The following ARHGAP26 variants were observed in gnomAD, a reference collection of about 807,000 sequenced individuals.
ARHGAP26 encodes the protein rho GTPase-activating protein 26.
In ARHGAP26, 38 loss-of-function variants were observed where a neutral mutation model predicts 104.8. The observed-to-expected ratio is 0.36, with a 90% confidence interval of 0.28 to 0.48. The LOEUF is 0.48. Ranked by LOEUF, ARHGAP26 falls within the 20% of genes least tolerant of loss-of-function variation. ARHGAP26 has a pLI of 0.99. For synonymous variants in ARHGAP26, 341 were observed against 340.0 expected, an observed-to-expected ratio of 1.00 and a Z score of -0.03; for missense variants, 704 against 947.9, an observed-to-expected ratio of 0.74 and a Z score of 3.38.
At chr5:143,189,002 A>G (rs1485587684) in intron 20 of ARHGAP26, among the ~76,000 whole-genome samples, 1 of 152,224 alleles carries the variant, frequency 6.6e-6, no homozygotes, top group Non-Finnish European at 1.5e-5. Flanking sequence ...TTAAGGGTGC[A>G]CAGAGACTTC....
intron 12 of ARHGAP26, among the ~76,000 whole-genome samples, chr5:143,015,293 AAAC>A (rs1261230772): frequency 6.6e-6 from 1 of 152,252 alleles, no homozygotes; most frequent in African/African-American, 2.4e-5. Flanking sequence ...ACTGAGGCAA[AAAC>A]AACAGTAACA....
chr5:142,907,638 T>A (rs571077026), intron 8 of ARHGAP26, 66 bp from the exon 9 acceptor site: 23 of 1,116,278 alleles, frequency 2.1e-5, no homozygotes, highest in Non-Finnish European at 2.6e-5. Flanking sequence ...TTGTGGTTTT[T>A]CCAGCTCATG....
chr5:142,894,134 T>C (rs905406167), intron 5 of ARHGAP26, 104 bp from the exon 6 acceptor site: 6 of 836,206 alleles, frequency 7.2e-6, no homozygotes, highest in African/African-American at 6.9e-5. Context: ...ATTTGATTTG[T>C]TTTTGAAAAT....
chr5:142,913,323 C>T, intron 10 of ARHGAP26, 30 bp downstream of exon 10: 1 of 1,580,040 alleles, frequency 6.3e-7, no homozygotes, highest in Non-Finnish European at 8.7e-7. Flanking sequence ...TTCTCAGGAG[C>T]AAATAGAGCT....
intron 11 of ARHGAP26, among the ~76,000 whole-genome samples, chr5:142,999,996 A>G (rs1393678717): frequency 6.6e-6 from 1 of 152,230 alleles, no homozygotes; most frequent in Non-Finnish European, 1.5e-5. Context: ...GGCCCAATAC[A>G]TACATGAAAA....
At position 143,215,479 on chromosome 5, in the gene ARHGAP26, C is replaced by T. The variant is rs1251080251; in HGVS notation, c.2191+1391C>T. 6.6e-5 allele frequency among the ~76,000 whole-genome samples: 10 copies of T among 151,998 alleles called. No homozygotes were observed. In the East Asian group the frequency reaches 1.9e-3, roughly 29 times the overall value. Reference sequence around the variant, plus strand: ...TTAACGGTTTATTAAGATAGCCATACAACATACAATTTACCCATTTAAAAT... The same window carrying T: ...TTAACGGTTTATTAAGATAGCCATATAACATACAATTTACCCATTTAAAAT... On this transcript the variant is annotated intron_variant, in intron 22 of 22. Transcript: ENST00000645722.
intron 1 of ARHGAP26, among the ~76,000 whole-genome samples, chr5:142,797,398 A>G (rs1478872648): frequency 6.6e-6 from 1 of 152,242 alleles, no homozygotes; most frequent in East Asian, 1.9e-4. Context: ...AGTGGGCAAC[A>G]AGATGAATAT....
chr5:142,832,244 C>T (rs1260217443), intron 1 of ARHGAP26, among the ~76,000 whole-genome samples: 1 of 152,150 alleles, frequency 6.6e-6, no homozygotes. Context: ...ATGTTGAAGC[C>T]CTAACTCCCA....
At chr5:143,053,559 T>C (rs892277922) in intron 14 of ARHGAP26, among the ~76,000 whole-genome samples, 3 of 152,222 alleles carry the variant, frequency 2.0e-5, no homozygotes, top group Non-Finnish European at 4.4e-5. Context: ...CACCTCCTTG[T>C]GTGCTACTCA....
At chr5:142,844,438 T>C (rs1234782727) in intron 1 of ARHGAP26, among the ~76,000 whole-genome samples, 1 of 151,990 alleles carries the variant, frequency 6.6e-6, no homozygotes, top group Non-Finnish European at 1.5e-5. Context: ...TTGAGGGTAG[T>C]GTCAAAGACT....
At chr5:143,001,375 C>T (rs1039907446) in intron 11 of ARHGAP26, among the ~76,000 whole-genome samples, 1 of 152,094 alleles carries the variant, frequency 6.6e-6, no homozygotes, top group Non-Finnish European at 1.5e-5. Context: ...GATATGTGTT[C>T]TGAAATGTTT....
rs138930924 is a variant in ARHGAP26, at chr5:143,207,346, G to C, written c.2099+38G>C. 6.8e-6 allele frequency: 11 copies of C among 1,614,008 alleles called. No homozygotes were observed. The African/African-American group carries it at 1.2e-4, about 18-fold the overall frequency. On this transcript the variant is annotated intron_variant, in intron 21 of 22. Transcript: ENST00000645722. ...GTTTGTTTGGTTTTCTGTTGCTGCC[G>C]TTGTTCTCTCATTGGCTCGGTCCTC...
intron 10 of ARHGAP26, among the ~76,000 whole-genome samples, chr5:142,923,157 G>A (rs1763431003): frequency 6.6e-6 from 1 of 151,940 alleles, no homozygotes; most frequent in Non-Finnish European, 1.5e-5. Flanking sequence ...ACAAAGAATG[G>A]GGTATGGTGG....
At chr5:143,163,933 A>G (rs1437446644) in intron 20 of ARHGAP26, among the ~76,000 whole-genome samples, 1 of 152,202 alleles carries the variant, frequency 6.6e-6, no homozygotes, top group Non-Finnish European at 1.5e-5. Context: ...TAGAAAGGAA[A>G]AAATATCACA....
chr5:143,228,759 T>A lies in ARHGAP26; in HGVS notation c.*6313T>A. The A allele has an allele frequency of 5.0e-6, 1 of 201,178 alleles. No individual in the cohort carries two copies. 12.5% of individuals were successfully genotyped at this position (201,178 alleles called of 1,614,324 possible). On this transcript the variant is annotated 3_prime_UTR_variant, in exon 23 of 23. Coordinates refer to ENST00000645722, the MANE Select transcript of ARHGAP26 (RefSeq NM_001135608.3). Reference sequence around the variant, plus strand: ...ATTGACTATTGACTCGTGCATAGAATCCAATGCTGTAATTAGAAAGTAATC... The same window carrying A: ...ATTGACTATTGACTCGTGCATAGAAACCAATGCTGTAATTAGAAAGTAATC...
chr5:143,212,490 G>A (rs914625491), intron 21 of ARHGAP26, among the ~76,000 whole-genome samples: 3 of 151,994 alleles, frequency 2.0e-5, no homozygotes, highest in Non-Finnish European at 4.4e-5. Flanking sequence ...ACTTTATTCT[G>A]TCATCATAAT....
At chr5:143,096,684 C>CT (rs147658032) in intron 17 of ARHGAP26, among the ~76,000 whole-genome samples, 7,100 of 141,720 alleles carry the variant, frequency 0.05, 286 homozygotes, top group East Asian at 0.2. Flanking sequence ...TAAAGCTAGG[C>CT]TTTTTTTTTT....
chr5:143,174,838 T>G (rs1368136249), intron 20 of ARHGAP26, among the ~76,000 whole-genome samples: 1 of 152,226 alleles, frequency 6.6e-6, no homozygotes, highest in Admixed American at 6.5e-5. Context: ...TCTGAGTTTC[T>G]AAACAAGTGA....
chr5:142,899,644 T>G (rs1191478639), intron 6 of ARHGAP26, among the ~76,000 whole-genome samples: 1 of 152,126 alleles, frequency 6.6e-6, no homozygotes, highest in East Asian at 1.9e-4. Context: ...TCCCGTGGGC[T>G]TCATCCTGCC....
Sources: gnomAD v4.1 joint callset for allele counts (sites outside exome capture counted in the v4.1 genomes callset) on GRCh38, gnomAD v4.1.1 for gene constraint, MANE v1.5 for transcripts, NCBI Gene and HGNC (gene_info 2026-07-23, HGNC 2026-07-21) for gene names.